Variants in PCDH11X observed in about 807,000 individuals in gnomAD.
PCDH11X encodes protocadherin 11 X-linked, also known as protocadherin-11 X-linked.
Under a neutral mutation model 53.3 loss-of-function variants are expected in PCDH11X, and 18 were observed. That is an observed-to-expected ratio of 0.34 (90% confidence interval 0.23 to 0.50). The LOEUF is 0.50. PCDH11X is among the 20% of genes least tolerant of loss of function. The pLI is 0.98. For missense variants in PCDH11X, 570 were observed against 1,032.4 expected (o/e 0.55, Z 6.14); for synonymous variants, 279 against 393.3 (o/e 0.71, Z 3.44).
At chrX:92,379,983 C>A (rs1603294854) in intron 8 of PCDH11X, among the ~76,000 whole-genome samples, 2 of 101,262 alleles carry the variant, frequency 2.0e-5, no homozygotes, top group Admixed American at 2.1e-4. Context: ...CCACCCCCCC[C>A]ACCCCAACTT....
intron 6 of PCDH11X, among the ~76,000 whole-genome samples, chrX:92,094,567 A>T (rs763191065): frequency 3.1e-4 from 34 of 111,238 alleles, no homozygotes; most frequent in Non-Finnish European, 5.1e-4. Flanking sequence ...GTGTAGAAAA[A>T]TATCTTATTT....
At chrX:92,478,297 T>C (rs2073432114) in intron 10 of PCDH11X, among the ~76,000 whole-genome samples, 1 of 111,450 alleles carries the variant, frequency 9.0e-6, no homozygotes, top group East Asian at 2.8e-4. Flanking sequence ...CACAATCTAT[T>C]TCACTAATTT....
chrX:92,493,972 C>T (rs775353707), intron 10 of PCDH11X, among the ~76,000 whole-genome samples: 2 of 109,601 alleles, frequency 1.8e-5, no homozygotes, highest in African/African-American at 3.3e-5. Context: ...ATATCCCTCT[C>T]TTGCCAACAG....
intron 6 of PCDH11X, among the ~76,000 whole-genome samples, chrX:92,125,448 G>A (rs902100874): frequency 6.3e-5 from 7 of 111,053 alleles, no homozygotes; most frequent in Non-Finnish European, 1.3e-4. Context: ...TAGTTTTGAT[G>A]ACTTAGTTAT....
chrX:91,971,315 G>T (rs1309687289), intron 6 of PCDH11X, among the ~76,000 whole-genome samples: 2 of 108,790 alleles, frequency 1.8e-5, no homozygotes, highest in Non-Finnish European at 3.8e-5. Context: ...CTTATTCAGG[G>T]CATCTTGGTG....
chrX:92,271,212 T>G (rs1382968438), intron 8 of PCDH11X, among the ~76,000 whole-genome samples: 1 of 112,266 alleles, frequency 8.9e-6, no homozygotes, highest in Non-Finnish European at 1.9e-5. Context: ...ATTTCCTTTA[T>G]AGCTGTAAAT....
intron 8 of PCDH11X, among the ~76,000 whole-genome samples, chrX:92,336,902 G>A (rs35328243): frequency 3.6e-5 from 4 of 110,393 alleles, no homozygotes; most frequent in Non-Finnish European, 5.7e-5. Flanking sequence ...TTTTTGATTC[G>A]GTTCCTTACA....
At chrX:91,889,782 A>G (rs1183251695) in intron 6 of PCDH11X, among the ~76,000 whole-genome samples, 1 of 109,095 alleles carries the variant, frequency 9.2e-6, no homozygotes, top group African/African-American at 3.3e-5. Context: ...ATTTGACTAC[A>G]TAAAGACACA....
intron 7 of PCDH11X, among the ~76,000 whole-genome samples, chrX:92,259,453 C>G (rs1331244188): frequency 9.0e-6 from 1 of 110,838 alleles, no homozygotes; most frequent in Non-Finnish European, 1.9e-5. Flanking sequence ...AGAGAAGAAC[C>G]AAGAGAGAGG....
chrX:92,140,927 G>A (rs2065168086), intron 6 of PCDH11X, among the ~76,000 whole-genome samples: 1 of 111,231 alleles, frequency 9.0e-6, no homozygotes, highest in Non-Finnish European at 1.9e-5. Flanking sequence ...AAAAGTTGAC[G>A]AGTACATAAA....
In PCDH11X at chrX:92,213,911, G is replaced by A. The variant is rs185507771; in HGVS notation, c.3114+12456G>A. ...TTTTCAAATATAAGGAAGAAATCAAGGGTGAATATACTTCTATCATATGAA... is the reference window on the plus strand; with the variant it reads ...TTTTCAAATATAAGGAAGAAATCAAAGGTGAATATACTTCTATCATATGAA... On this transcript the variant is annotated intron_variant, in intron 7 of 10. Transcript: ENST00000682573. Among the ~76,000 whole-genome samples, 271 of 112,078 alleles carry A rather than the reference G, an allele frequency of 2.4e-3. 1 individual carries two copies. Among genetic ancestry groups the A allele is most frequent in the African/African-American group, 8.6e-3 (265 of 30,923 alleles).
chrX:92,103,656 C>T (rs910849816), intron 6 of PCDH11X, among the ~76,000 whole-genome samples: 8 of 111,887 alleles, frequency 7.2e-5, no homozygotes, highest in South Asian at 3.7e-4. Context: ...TCCTGGGCTG[C>T]GGGCGTTCCT....
intron 10 of PCDH11X, among the ~76,000 whole-genome samples, chrX:92,475,496 C>T (rs1430794497): frequency 1.8e-5 from 2 of 111,731 alleles, no homozygotes; most frequent in Non-Finnish European, 3.8e-5. Flanking sequence ...ATATGTCATG[C>T]CACTCTCTCA....
rs939660622 is a variant in PCDH11X, at chrX:92,068,429, T to C, written c.3034-132946T>C. Among the ~76,000 whole-genome samples, 6 of 108,711 alleles carry C rather than the reference T, an allele frequency of 5.5e-5. No homozygotes were observed. The East Asian group carries it at 1.7e-3, about 31-fold the overall frequency. 94.4% of individuals were successfully genotyped at this position (108,711 alleles called of 115,157 possible). A position where few individuals can be genotyped will look rare whatever the true frequency, so the allele number is the denominator to read the frequency against. ...TTTCTTTATTGACCCACTGACTCAC[T>C]GATCATTTAGGAACATATTGTTTAG... is the stretch of plus-strand genomic sequence containing the variant. On this transcript the variant is annotated intron_variant, in intron 6 of 10. Transcript: ENST00000682573.
intron 9 of PCDH11X, among the ~76,000 whole-genome samples, chrX:92,466,968 C>T (rs1036977759): frequency 1.1e-4 from 12 of 109,527 alleles, no homozygotes; most frequent in Non-Finnish European, 2.3e-4. Flanking sequence ...TTAAATATTA[C>T]GAGTTGATTA....
At chrX:92,119,967 T>C (rs763891808) in intron 6 of PCDH11X, among the ~76,000 whole-genome samples, 1 of 110,088 alleles carries the variant, frequency 9.1e-6, no homozygotes, top group African/African-American at 3.3e-5. Flanking sequence ...TCAGGTACTT[T>C]AACATGATAT....
At chrX:91,820,729 A>G (rs1936641936) in intron 4 of PCDH11X, among the ~76,000 whole-genome samples, 3 of 102,224 alleles carry the variant, frequency 2.9e-5, no homozygotes, top group Admixed American at 2.0e-4. Context: ...TTGGTGTTTT[A>G]GACATGAAGT....
At chrX:91,789,229 GA>G (rs1476011688) in intron 1 of PCDH11X, among the ~76,000 whole-genome samples, 2 of 96,811 alleles carry the variant, frequency 2.1e-5, no homozygotes, top group African/African-American at 7.5e-5. Context: ...AAAAAGAAAA[GA>G]AAAAGAAAAA....
intron 7 of PCDH11X, among the ~76,000 whole-genome samples, chrX:92,239,505 G>A (rs1272834089): frequency 9.0e-6 from 1 of 111,534 alleles, no homozygotes; most frequent in African/African-American, 3.3e-5. Context: ...GAGTACTGAT[G>A]CAGAGGAACT....
Sources: allele counts gnomAD v4.1 joint callset (sites outside exome capture counted in the v4.1 genomes callset), GRCh38; gene constraint gnomAD v4.1.1; transcripts MANE v1.5; gene names NCBI Gene and HGNC (gene_info 2026-07-23, HGNC 2026-07-21).